OXSR1: variants seen among roughly 807,000 people sequenced by gnomAD.
The protein encoded by OXSR1 is oxidative stress responsive kinase 1.
Under a neutral mutation model 79.8 loss-of-function variants are expected in OXSR1, and 24 were observed. The observed-to-expected ratio is 0.30, with a 90% CI of 0.22 to 0.42. The LOEUF (loss-of-function observed/expected upper bound fraction) is 0.42, where lower values mean the gene tolerates loss of function less well. OXSR1 is among the 10% of genes least tolerant of loss of function. The pLI is 1.00. For missense variants in OXSR1, 430 were observed against 618.4 expected, an observed-to-expected ratio of 0.70 and a Z score of 3.23; for synonymous variants, 226 against 209.2, an observed-to-expected ratio of 1.08 and a Z score of -0.69.
chr3:38,238,879 A>T (rs921780102), intron 11 of OXSR1, among the ~76,000 whole-genome samples: 19 of 152,036 alleles, frequency 1.2e-4, no homozygotes, highest in African/African-American at 4.6e-4. Context: ...TTTTTCAGCC[A>T]TTATATTTTC....
At chr3:38,174,972 A>G (rs184665918) in intron 1 of OXSR1, among the ~76,000 whole-genome samples, 1 of 152,322 alleles carries the variant, frequency 6.6e-6, no homozygotes, top group East Asian at 1.9e-4. Context: ...GATTTTTATG[A>G]TGATGACTAT....
chr3:38,200,870 T>C (rs1702150208), intron 4 of OXSR1, among the ~76,000 whole-genome samples: 1 of 152,252 alleles, frequency 6.6e-6, no homozygotes, highest in South Asian at 2.1e-4. Context: ...TGTAGTGATT[T>C]ATGCGTCTAT....
intron 5 of OXSR1, among the ~76,000 whole-genome samples, chr3:38,221,033 T>A (rs1214376643): frequency 6.6e-6 from 1 of 152,188 alleles, no homozygotes; most frequent in African/African-American, 2.4e-5. Context: ...TGTTTAGAAT[T>A]ACGAACTCTG....
At chr3:38,170,607 G>C (rs1701560684) in intron 1 of OXSR1, among the ~76,000 whole-genome samples, 1 of 152,126 alleles carries the variant, frequency 6.6e-6, no homozygotes, top group Non-Finnish European at 1.5e-5. Context: ...TGAAGACACA[G>C]AGACAGAAAG....
At chr3:38,237,102 A>G (rs1478858664) in intron 11 of OXSR1, 141 bp downstream of exon 11, 6 of 696,494 alleles carry the variant, frequency 8.6e-6, no homozygotes, top group Admixed American at 3.0e-5. Flanking sequence ...TTAATTCTGC[A>G]TGGAAAGTTG....
At chr3:38,181,496 C>T (rs1701785809) in intron 1 of OXSR1, among the ~76,000 whole-genome samples, 2 of 151,782 alleles carry the variant, frequency 1.3e-5, no homozygotes, top group African/African-American at 4.8e-5. Context: ...GCTGGGATTA[C>T]AGGCACCCAC....
At chr3:38,224,921 A>T (rs1559519967) in intron 8 of OXSR1, 1 of 279,962 alleles carries the variant, frequency 3.6e-6, no homozygotes, top group Admixed American at 5.4e-5. Context: ...TTTCCTTGTT[A>T]ATTTCTTACA....
intron 10 of OXSR1, among the ~76,000 whole-genome samples, chr3:38,231,958 T>G (rs1280632636): frequency 1.3e-5 from 2 of 152,012 alleles, no homozygotes; most frequent in Non-Finnish European, 2.9e-5. Context: ...AATACAAAAC[T>G]TAGCCTGGTG....
At chr3:38,210,050 TG>T (rs1457191265) in intron 4 of OXSR1, among the ~76,000 whole-genome samples, 3 of 152,032 alleles carry the variant, frequency 2.0e-5, no homozygotes, top group East Asian at 1.9e-4. Context: ...GATTCTAGGT[TG>T]GTTTTTTTTT....
chr3:38,203,683 A>G lies in OXSR1; in HGVS notation c.434+4820A>G, dbSNP rs12637832. Among the ~76,000 whole-genome samples the G allele has an allele frequency of 3.7e-4, 57 of 152,142 alleles. No individual in the cohort carries two copies. The East Asian group carries it at 9.9e-3, about 26-fold the overall frequency. Reference sequence around the variant, plus strand: ...CTCTTTCCTTACTTTCTCCTGAGCAAATGGAGTCTCTCTGTCTCTGGGCGG... The same window carrying G: ...CTCTTTCCTTACTTTCTCCTGAGCAGATGGAGTCTCTCTGTCTCTGGGCGG... On this transcript the variant is annotated intron_variant, in intron 4 of 17. Transcript: ENST00000311806.
intron 2 of OXSR1, among the ~76,000 whole-genome samples, chr3:38,183,646 T>C (rs1477416113): frequency 6.6e-6 from 1 of 152,196 alleles, no homozygotes; most frequent in Admixed American, 6.5e-5. Flanking sequence ...TTTTAAACTT[T>C]CATTCTAATG....
At chr3:38,224,755 A>C in intron 8 of OXSR1, 51 bp downstream of exon 8, 1 of 1,304,612 alleles carries the variant, frequency 7.7e-7, no homozygotes, top group Non-Finnish European at 1.1e-6. Context: ...CATTGTGAGA[A>C]GTCTAAGAAT....
At position 38,230,748 on chromosome 3, in the gene OXSR1, G is replaced by A. The variant is rs991972742; in HGVS notation, c.951+318G>A. 2.9e-5 allele frequency: 7 copies of A among 239,716 alleles called. 1 individual carries two copies. The highest frequency in any genetic ancestry group is 5.7e-5 in the Non-Finnish European group (7 of 123,082). The allele number at this position is 239,716 out of a possible 1,614,324, so 14.8% of individuals were successfully genotyped here. A position where few individuals can be genotyped will look rare whatever the true frequency, so the allele number is the denominator to read the frequency against. ...ATGACATTTATAGCTTTGGGTATAA[G>A]TCACAGTACCCTCTTTGGAACTCCA... On this transcript the variant is annotated intron_variant, in intron 10 of 17. Transcript: ENST00000311806.
chr3:38,216,876 C>G (rs1702491898), intron 5 of OXSR1, among the ~76,000 whole-genome samples: 1 of 152,098 alleles, frequency 6.6e-6, no homozygotes, highest in South Asian at 2.1e-4. Context: ...AATATTTTAA[C>G]CAAGTCACAT....
chr3:38,168,100 G>T (rs1315007050), intron 1 of OXSR1, among the ~76,000 whole-genome samples: 1 of 152,158 alleles, frequency 6.6e-6, no homozygotes, highest in East Asian at 1.9e-4. Flanking sequence ...TCTGGATAGG[G>T]TTAGTGTTCC....
intron 5 of OXSR1, among the ~76,000 whole-genome samples, chr3:38,217,130 C>T (rs918830937): frequency 6.6e-6 from 1 of 152,050 alleles, no homozygotes; most frequent in Non-Finnish European, 1.5e-5. Flanking sequence ...TAGGCACTTC[C>T]CAAATGAAGA....
intron 1 of OXSR1, among the ~76,000 whole-genome samples, chr3:38,169,626 T>C (rs553753940): frequency 5.3e-5 from 8 of 150,632 alleles, no homozygotes; most frequent in Admixed American, 4.6e-4. Context: ...TTTTGAGTTA[T>C]AGAAGTGTGT....
intron 4 of OXSR1, among the ~76,000 whole-genome samples, chr3:38,215,403 T>A (rs1447834043): frequency 1.3e-5 from 2 of 152,146 alleles, no homozygotes; most frequent in African/African-American, 4.8e-5. Flanking sequence ...CTCTTAGGAT[T>A]TGGGGATTTT....
At chr3:38,188,247 G>A (rs770073865) in intron 2 of OXSR1, among the ~76,000 whole-genome samples, 6 of 152,074 alleles carry the variant, frequency 3.9e-5, no homozygotes, top group Non-Finnish European at 5.9e-5. Flanking sequence ...TCTCTCATGT[G>A]ATTTTTCTTT....
Sources: allele counts gnomAD v4.1 joint callset (sites outside exome capture counted in the v4.1 genomes callset), GRCh38; gene constraint gnomAD v4.1.1; transcripts MANE v1.5; gene names NCBI Gene and HGNC (gene_info 2026-07-23, HGNC 2026-07-21).